Variants in PXN observed in about 807,000 individuals in gnomAD.
PXN encodes paxillin, also known as testicular tissue protein Li 134.
PXN carries 61 observed loss-of-function variants against 103.6 expected under a neutral mutation model. That is an observed-to-expected ratio of 0.59 (90% CI 0.48 to 0.73). The LOEUF (loss-of-function observed/expected upper bound fraction) is 0.73, where lower values mean the gene tolerates loss of function less well. Ranked by LOEUF, PXN falls within the 30% of genes least tolerant of loss-of-function variation. The pLI is 0.00. For missense variants in PXN, 1,274 were observed against 1,460.3 expected, an observed-to-expected ratio of 0.87 and a Z score of 2.08; for synonymous variants, 562 against 607.8, an observed-to-expected ratio of 0.92 and a Z score of 1.11.
At chr12:120,227,125 AG>A (rs1344493373) in intron 1 of PXN, 1 of 986,644 alleles carries the variant, frequency 1.0e-6, no homozygotes, top group East Asian at 1.1e-4. Context: ...AACCTTGAAA[AG>A]AAAAGAAAAG....
chr12:120,237,266 C>T (rs942944295), intron 1 of PXN, among the ~76,000 whole-genome samples: 2 of 151,308 alleles, frequency 1.3e-5, no homozygotes, highest in Admixed American at 6.6e-5. Context: ...TCAAGCAATT[C>T]TTGTGCCTCA....
Position 120,214,056 on chromosome 12 carries a change from C to A in PXN, c.2831-66G>T. 1.9e-6 allele frequency: 3 copies of A among 1,583,876 alleles called. No individual in the cohort carries two copies. Among genetic ancestry groups the A allele is most frequent in the Non-Finnish European group, 2.6e-6 (3 of 1,165,834 alleles). ...TCCAGAAGTGGAGCCACTCTGACTC[C>A]AACCTCAGCAGCGTCTCCCACCCCC... On this transcript the variant is annotated intron_variant, in intron 13 of 14. Transcript: ENST00000637617. The surrounding 1 kb of genome is among the most constrained non-coding windows in gnomAD (Gnocchi z 5.0).
Position 120,217,875 on chromosome 12 carries a change from G to C in PXN, c.1717-759C>G, listed in dbSNP as rs190248013. ...GGCCTCCCAAAGTGCTGGGAATACAGGTGTGAGCCACCGTGCTCAGCTAGC... is the reference window on the plus strand; with the variant it reads ...GGCCTCCCAAAGTGCTGGGAATACACGTGTGAGCCACCGTGCTCAGCTAGC... On this transcript the variant is annotated intron_variant, in intron 7 of 14. Coordinates refer to ENST00000637617, the MANE Select transcript of PXN (RefSeq NM_001385981.1). The surrounding 1 kb of genome is among the most constrained non-coding windows in gnomAD (Gnocchi z 4.1). Among the ~76,000 whole-genome samples, 467 of 151,386 alleles carry C rather than the reference G, an allele frequency of 3.1e-3. 2 individuals are homozygous for C. Among genetic ancestry groups the C allele is most frequent in the Admixed American group, 6.7e-3 (102 of 15,216 alleles).
chr12:120,255,965 G>T (rs985774878), intron 1 of PXN, among the ~76,000 whole-genome samples: 2 of 142,406 alleles, frequency 1.4e-5, no homozygotes, highest in African/African-American at 5.2e-5. Flanking sequence ...GTTGGGGGGG[G>T]TGGGGCGGAG....
At position 120,220,363 on chromosome 12, in the gene PXN, C is replaced by A. The variant is rs534048143; in HGVS notation, c.832-272G>T. On this transcript the variant is annotated intron_variant, in intron 6 of 14. Transcript: ENST00000637617. This position sits in a 1 kb window ranked among gnomAD's most constrained non-coding sequence, Gnocchi z 6.1. Reference sequence around the variant, plus strand: ...GGAGGGTATGAGAAAGAAAAGACCACGGTAAGGTGGACAAATGGGGAGCCA... The same window carrying A: ...GGAGGGTATGAGAAAGAAAAGACCAAGGTAAGGTGGACAAATGGGGAGCCA... Among the ~76,000 whole-genome samples the A allele has an allele frequency of 3.3e-5, 5 of 152,228 alleles. 1 individual carries two copies. The South Asian group carries it at 1.0e-3, about 32-fold the overall frequency.
rs375675842 is a variant in PXN at position 120,223,809 on chromosome 12, C to T, written c.265G>A (p.Gly89Ser). The T allele has an allele frequency of 4.1e-5, 66 of 1,608,014 alleles. No homozygotes were observed. The highest frequency in any genetic ancestry group is 8.5e-5 in the Admixed American group (5 of 59,144). Residue 89 changes from glycine (G) to serine (S), a missense_variant, in exon 3 of 15, where the codon GGC (glycine) becomes AGC (serine). Transcript: ENST00000637617. The part of the protein sequence containing the change: ...QQPQSSSPVY[G>S]SSAKTSSVSN... ...ACACTGGAAGTTTTGGCACTGGAGC[C>T]GTACACAGGTGATGAGGACTGAGGC...
chr12:120,251,857 T>G (rs1892244328), intron 1 of PXN, among the ~76,000 whole-genome samples: 1 of 152,042 alleles, frequency 6.6e-6, no homozygotes, highest in African/African-American at 2.4e-5. Flanking sequence ...GCCAAGAGAA[T>G]GATACCAAAA....
In PXN at chr12:120,221,798, A is replaced by G; in HGVS notation, c.696-40T>C. On this transcript the variant is annotated intron_variant, in intron 5 of 14. Transcript: ENST00000637617. The surrounding 1 kb of genome is among the most constrained non-coding windows in gnomAD (Gnocchi z 6.6). ...CAGCATCAGTGGGGAGCCCACAGTC[A>G]GCCCCACACTTCCCGGGGATCAGAT... is the stretch of plus-strand genomic sequence containing the variant. The G allele has an allele frequency of 6.6e-7, 1 of 1,523,222 alleles. No homozygotes were observed. 94.4% of individuals were successfully genotyped at this position (1,523,222 alleles called of 1,614,324 possible).
intron 1 of PXN, chr12:120,247,871 T>C (rs935125529): frequency 6.6e-6 from 1 of 152,228 alleles, no homozygotes; most frequent in East Asian, 1.9e-4. Context: ...CTTCTGTTAA[T>C]ATCAGGCAAG....
Position 120,228,624 on chromosome 12 carries a change from G to T in PXN, c.14-4247C>A, listed in dbSNP as rs999068856. ...GAGCCCCTGGCCATGGGCGCAGTGG[G>T]GAAGTTTCTATCCTTAGAGAACAAG... On this transcript the variant is annotated intron_variant, in intron 1 of 14. Coordinates refer to ENST00000637617, the MANE Select transcript of PXN (RefSeq NM_001385981.1). This position sits in a 1 kb window ranked among gnomAD's most constrained non-coding sequence, Gnocchi z 4.7. 6.6e-6 allele frequency among the ~76,000 whole-genome samples: 1 copy of T among 152,230 alleles called. No individual in the cohort carries two copies. Among genetic ancestry groups the T allele is most frequent in the Admixed American group, 6.5e-5 (1 of 15,286 alleles).
chr12:120,248,515 C>T (rs1163160939), intron 1 of PXN, among the ~76,000 whole-genome samples: 2 of 151,482 alleles, frequency 1.3e-5, no homozygotes, highest in African/African-American at 4.9e-5. Flanking sequence ...CACACACACA[C>T]ACACACACAC....
At chr12:120,236,500 C>A (rs1299380112) in intron 1 of PXN, among the ~76,000 whole-genome samples, 1 of 137,794 alleles carries the variant, frequency 7.3e-6, no homozygotes, top group Non-Finnish European at 1.5e-5. Context: ...TTTTTTGAGA[C>A]GGAGTCTCAC....
intron 7 of PXN, among the ~76,000 whole-genome samples, chr12:120,218,590 G>A (rs1884027330): frequency 6.6e-6 from 1 of 152,112 alleles, no homozygotes; most frequent in Non-Finnish European, 1.5e-5. Context: ...TGGTCAGGCT[G>A]GCCTCGAACT....
rs1732868 is a variant in PXN at position 120,249,989 on chromosome 12, G to A, written c.13+15628C>T. 5.0e-3 allele frequency: 4,920 copies of A among 985,444 alleles called. 221 individuals are homozygous for A. The African/African-American group carries it at 0.08, about 16-fold the overall frequency. The allele number at this position is 985,444 out of a possible 1,614,324, so 61.0% of individuals were successfully genotyped here. On this transcript the variant is annotated intron_variant, in intron 1 of 14. Transcript: ENST00000637617. ...AGACAGGCAGCATGTGACCAGGCAG[G>A]CTCAGGAGGGCTGCCAAGTCGTGTC... is the stretch of plus-strand genomic sequence containing the variant.
At chr12:120,232,182 A>C (rs1185131821) in intron 1 of PXN, among the ~76,000 whole-genome samples, 2 of 152,068 alleles carry the variant, frequency 1.3e-5, no homozygotes, top group East Asian at 3.9e-4. Context: ...CCACCACACT[A>C]GGCTTTTAAA....
rs1056475747 is a variant in PXN at position 120,219,189 on chromosome 12, A to G, written c.1716+18T>C. 1 of 1,542,952 alleles carries G rather than the reference A, an allele frequency of 6.5e-7. No homozygotes were observed. Among genetic ancestry groups the G allele is most frequent in the Non-Finnish European group, 8.7e-7 (1 of 1,148,804 alleles). Reference sequence around the variant, plus strand: ...CCGCCAATGGCCATGCCCAGCAGCCATGCGAGCTGGTGCCTGCCTGGCCAG... The same window carrying G: ...CCGCCAATGGCCATGCCCAGCAGCCGTGCGAGCTGGTGCCTGCCTGGCCAG... On this transcript the variant is annotated intron_variant, in intron 7 of 14. Transcript: ENST00000637617. This position sits in a 1 kb window ranked among gnomAD's most constrained non-coding sequence, Gnocchi z 6.5.
Position 120,223,698 on chromosome 12 carries a change from T to C in PXN, c.356+20A>G. 6.5e-7 allele frequency: 1 copy of C among 1,533,028 alleles called. No individual in the cohort carries two copies. Among genetic ancestry groups the C allele is most frequent in the Non-Finnish European group, 8.9e-7 (1 of 1,126,316 alleles). 95.0% of individuals were successfully genotyped at this position (1,533,028 alleles called of 1,614,324 possible). A position where few individuals can be genotyped will look rare whatever the true frequency, so the allele number is the denominator to read the frequency against. On this transcript the variant is annotated intron_variant, in intron 3 of 14. Coordinates refer to ENST00000637617, the MANE Select transcript of PXN (RefSeq NM_001385981.1). ...TTTCTAAGCAGGAGGGAAGGTGCCC[T>C]GGGCAGACTGGGGCAGTACCTGTAG...
intron 1 of PXN, among the ~76,000 whole-genome samples, chr12:120,256,685 T>C (rs1893064783): frequency 6.6e-6 from 1 of 152,128 alleles, no homozygotes; most frequent in Admixed American, 6.5e-5. Context: ...ATTACACCCA[T>C]TTCATAGCCT....
chr12:120,236,742 T>TG (rs1356900423), intron 1 of PXN, among the ~76,000 whole-genome samples: 1 of 152,140 alleles, frequency 6.6e-6, no homozygotes, highest in African/African-American at 2.4e-5. Flanking sequence ...CCCAAAGTGC[T>TG]GGCATTACAG....
Sources: allele counts gnomAD v4.1 joint callset (sites outside exome capture counted in the v4.1 genomes callset), GRCh38; gene constraint gnomAD v4.1.1; non-coding constraint Gnocchi (gnomAD v3.1); transcripts MANE v1.5; gene names NCBI Gene and HGNC (gene_info 2026-07-23, HGNC 2026-07-21).